NCOA3: variants seen among roughly 807,000 people sequenced by gnomAD.
The protein encoded by NCOA3 is nuclear receptor coactivator 3.
A neutral mutation model predicts 158.8 loss-of-function variants in NCOA3; 51 were observed. The ratio of observed to expected loss-of-function variants is 0.32; its 90% CI spans 0.26 to 0.41. NCOA3 has a LOEUF of 0.41. Ranked by LOEUF, NCOA3 falls within the 10% of genes least tolerant of loss-of-function variation. NCOA3 has a pLI of 1.00. For synonymous variants in NCOA3, 537 were observed against 592.4 expected (o/e 0.91, Z 1.36); for missense variants, 1,510 against 1,746.6 (o/e 0.86, Z 2.41).
intron 1 of NCOA3, among the ~76,000 whole-genome samples, chr20:47,539,132 T>G (rs1739137920): frequency 1.3e-5 from 2 of 152,316 alleles, no homozygotes; most frequent in South Asian, 4.1e-4. Flanking sequence ...GTTGTGAATT[T>G]TAGCTTTTCA....
chr20:47,602,043 T>A (rs2085873121), intron 2 of NCOA3, among the ~76,000 whole-genome samples: 1 of 152,242 alleles, frequency 6.6e-6, no homozygotes, highest in Non-Finnish European at 1.5e-5. Flanking sequence ...TAAGTGTAAA[T>A]CTTTAATGAG....
chr20:47,518,485 A>G (rs1048947618), intron 1 of NCOA3, among the ~76,000 whole-genome samples: 28 of 143,706 alleles, frequency 1.9e-4, no homozygotes, highest in Non-Finnish European at 4.0e-4. Flanking sequence ...GTGCAATGGC[A>G]TGATCTCGGC....
chr20:47,572,589 T>C (rs2085311806), intron 1 of NCOA3, among the ~76,000 whole-genome samples: 1 of 151,626 alleles, frequency 6.6e-6, no homozygotes, highest in Admixed American at 6.6e-5. Context: ...CAGGCTGGAG[T>C]GCAGTGGAAC....
rs773590274 is a variant in NCOA3 at position 47,636,808 on chromosome 20, G to C, written c.2376+46G>C. ...TTCAGCTCATATTTCATCATTTTTC[G>C]GTGTTAGATAATGTGATATAAAAAT... On this transcript the variant is annotated intron_variant, in intron 12 of 22. Coordinates refer to ENST00000371998, the MANE Select transcript of NCOA3 (RefSeq NM_181659.3). The C allele has an allele frequency of 2.7e-6, 4 of 1,493,242 alleles. No homozygotes were observed. In the African/African-American group the frequency reaches 4.2e-5, roughly 16 times the overall value. The allele number at this position is 1,493,242 out of a possible 1,614,324, so 92.5% of individuals were successfully genotyped here.
chr20:47,515,690 G>T (rs1480986481), intron 1 of NCOA3, among the ~76,000 whole-genome samples: 3 of 151,838 alleles, frequency 2.0e-5, no homozygotes, highest in Admixed American at 2.0e-4. Context: ...TCACTATGTT[G>T]GCTGGTCTTG....
intron 2 of NCOA3, among the ~76,000 whole-genome samples, chr20:47,619,387 G>A (rs2086196847): frequency 6.6e-6 from 1 of 152,140 alleles, no homozygotes; most frequent in South Asian, 2.1e-4. Context: ...GGTCATGCCT[G>A]TAATCCCAGC....
In NCOA3 at chr20:47,635,684, T is replaced by C. The variant is rs1185246778; in HGVS notation, c.1475T>C (p.Ile492Thr). ...ISPRNRGSPK[I>T]ASHQFSPVAG... ...CCTCGTAATCGTGGGAGTCCAAAGA[T>C]AGCCTCACATCAGTTTTCTCCTGTT... is the stretch of plus-strand genomic sequence containing the variant. The change falls in exon 11 of 23, where the codon ATA becomes ACA. Residue 492 changes from isoleucine (I) to threonine (T), a missense_variant. This residue lies in a region of NCOA3 where 1,017 missense variants were observed against 1,098.3 expected (regional missense o/e 0.93). Transcript: ENST00000371998. 1 of 1,614,000 alleles carries C rather than the reference T, an allele frequency of 6.2e-7. No homozygotes were observed. Among genetic ancestry groups the C allele is most frequent in the African/African-American group, 1.3e-5 (1 of 74,928 alleles).
chr20:47,595,759 CACTTACTGGATGT>C (rs1568712602), intron 2 of NCOA3, among the ~76,000 whole-genome samples: 1 of 151,860 alleles, frequency 6.6e-6, no homozygotes, highest in Non-Finnish European at 1.5e-5. Flanking sequence ...CTAGCTCCAC[CACTTACTGGATGT>C]ATGACTTTGG....
rs1382948251 is a variant in NCOA3 at position 47,655,877 on chromosome 20, A to ATAAG, written c.*2462_*2465dup. On this transcript the variant is annotated 3_prime_UTR_variant, in exon 23 of 23. Coordinates refer to ENST00000371998, the MANE Select transcript of NCOA3 (RefSeq NM_181659.3). Reference sequence around the variant, plus strand: ...ATATAGTAGAAAAATGAAGTTTATTATAAGTTTTTATATTTTCTACTTGTT... The same window carrying ATAAG: ...ATATAGTAGAAAAATGAAGTTTATTATAAGTAAGTTTTTATATTTTCTACTTGTT... 2.6e-5 allele frequency: 4 copies of ATAAG among 152,472 alleles called. No homozygotes were observed. The highest frequency in any genetic ancestry group is 4.4e-5 in the Non-Finnish European group (3 of 68,004). The allele number at this position is 152,472 out of a possible 1,614,324, so 9.4% of individuals were successfully genotyped here.
chr20:47,614,658 C>T (rs1256421554), intron 2 of NCOA3, among the ~76,000 whole-genome samples: 1 of 152,132 alleles, frequency 6.6e-6, no homozygotes, highest in Non-Finnish European at 1.5e-5. Context: ...ACTTGACTGA[C>T]CATTTTAAGG....
chr20:47,648,047 T>A (rs1011451353), intron 18 of NCOA3, among the ~76,000 whole-genome samples: 1 of 151,928 alleles, frequency 6.6e-6, no homozygotes, highest in African/African-American at 2.4e-5. Flanking sequence ...CCCGAGTAGC[T>A]GGGGAGCCAC....
chr20:47,559,744 A>C (rs1368507979), intron 1 of NCOA3, among the ~76,000 whole-genome samples: 3 of 152,090 alleles, frequency 2.0e-5, no homozygotes, highest in African/African-American at 7.2e-5. Flanking sequence ...TTAGCCTCCC[A>C]GGTTCCAGTG....
At chr20:47,505,064 C>CT (rs566873992) in intron 1 of NCOA3, among the ~76,000 whole-genome samples, 16,428 of 27,052 alleles carry the variant, frequency 0.61, 4,158 homozygotes, top group Middle Eastern at 0.68. Context: ...TCTTTTCTTT[C>CT]TTTTTTTTTT....
intron 1 of NCOA3, among the ~76,000 whole-genome samples, chr20:47,526,606 C>T (rs1424818931): frequency 1.3e-5 from 2 of 152,166 alleles, no homozygotes; most frequent in South Asian, 2.1e-4. Flanking sequence ...CAAAAAAATA[C>T]GAAAACCAGT....
chr20:47,579,799 GAA>G (rs2085423947), intron 1 of NCOA3, among the ~76,000 whole-genome samples: 1 of 152,212 alleles, frequency 6.6e-6, no homozygotes, highest in Non-Finnish European at 1.5e-5. Context: ...TTTGTAGGAA[GAA>G]AAGTTTATTG....
intron 1 of NCOA3, among the ~76,000 whole-genome samples, chr20:47,507,670 G>C (rs1010012137): frequency 3.3e-5 from 5 of 152,336 alleles, no homozygotes; most frequent in Middle Eastern, 6.8e-3. Context: ...CCAGGCTGGA[G>C]TGCAATGGCA....
At chr20:47,506,250 G>T (rs1014363690) in intron 1 of NCOA3, among the ~76,000 whole-genome samples, 1 of 152,084 alleles carries the variant, frequency 6.6e-6, no homozygotes, top group Non-Finnish European at 1.5e-5. Context: ...AATTCATTTT[G>T]TCTATCATTT....
chr20:47,535,901 C>G (rs2084625181), intron 1 of NCOA3, among the ~76,000 whole-genome samples: 1 of 152,128 alleles, frequency 6.6e-6, no homozygotes, highest in Admixed American at 6.6e-5. Context: ...TCCCCTGGAG[C>G]TGGGCTGCCC....
chr20:47,537,571 G>T (rs951817132), intron 1 of NCOA3, among the ~76,000 whole-genome samples: 6 of 151,410 alleles, frequency 4.0e-5, no homozygotes, highest in Non-Finnish European at 8.8e-5. Flanking sequence ...AAACCAAGGG[G>T]TTTACATAGG....
Sources: gnomAD v4.1 joint callset for allele counts (sites outside exome capture counted in the v4.1 genomes callset) on GRCh38, gnomAD v4.1.1 for gene constraint, gnomAD v4.1.1 regional missense constraint, MANE v1.5 for transcripts, NCBI Gene and HGNC (gene_info 2026-07-23, HGNC 2026-07-21) for gene names.